The following FBXL13 variants were observed in gnomAD, a reference collection of about 807,000 sequenced individuals.
FBXL13 encodes the protein F-box and leucine-rich repeat protein 13.
A neutral mutation model predicts 83.6 loss-of-function variants in FBXL13; 67 were observed. That is an observed-to-expected ratio of 0.80 (90% confidence interval 0.66 to 0.98). The LOEUF (loss-of-function observed/expected upper bound fraction) is 0.98. Among genes scored for constraint, FBXL13 ranks in the 50% least tolerant of loss-of-function variants. FBXL13 has a pLI of 0.00. For missense variants in FBXL13, 822 were observed against 866.5 expected, an observed-to-expected ratio of 0.95 and a Z score of 0.64; for synonymous variants, 272 against 299.5, an observed-to-expected ratio of 0.91 and a Z score of 0.95.
rs570291729 is a variant in FBXL13 at position 102,932,011 on chromosome 7, G to T, written c.725-78C>A. ...AAAGTTTTTCTATCTTACATTGAATGCAATGTATTCATTAGAAAACAAACA... is the reference window on the plus strand; with the variant it reads ...AAAGTTTTTCTATCTTACATTGAATTCAATGTATTCATTAGAAAACAAACA... On this transcript the variant is annotated intron_variant, in intron 8 of 19. Transcript: ENST00000313221. 7.2e-5 allele frequency: 90 copies of T among 1,258,556 alleles called. 1 individual carries two copies. In the Middle Eastern group the frequency reaches 7.5e-4, roughly 11 times the overall value. The allele number at this position is 1,258,556 out of a possible 1,614,324, so 78.0% of individuals were successfully genotyped here.
At position 103,028,620 on chromosome 7, in the gene FBXL13, T is replaced by A. The variant is rs777182810; in HGVS notation, c.197A>T (p.Asp66Val). The change falls in exon 4 of 20, where the codon GAC (aspartate) becomes GTC (valine). Residue 66 changes from aspartate to valine, a missense_variant. Physicochemically the swap from Asp to Val is radical, Grantham distance 152. Transcript: ENST00000313221. ...TTTACTTTTAAGTTTTTCTTTCTGG[T>A]CTTCCATATAAGAGTGCCAGTGATG... is the stretch of plus-strand genomic sequence containing the variant. The A allele has an allele frequency of 2.4e-5, 38 of 1,579,310 alleles. No individual in the cohort carries two copies. Among genetic ancestry groups the A allele is most frequent in the Non-Finnish European group, 3.0e-5 (35 of 1,166,154 alleles).
At chr7:102,898,296 C>A (rs572628185) in intron 11 of FBXL13, among the ~76,000 whole-genome samples, 3 of 152,100 alleles carry the variant, frequency 2.0e-5, no homozygotes, top group Non-Finnish European at 4.4e-5. Context: ...GCTGTGTTCA[C>A]CAAAAGCAAC....
intron 17 of FBXL13, among the ~76,000 whole-genome samples, chr7:102,838,320 G>A (rs927222591): frequency 4.6e-5 from 7 of 152,112 alleles, no homozygotes; most frequent in Non-Finnish European, 1.0e-4. Context: ...GAGTTAATAT[G>A]AATAAAGCAG....
At chr7:103,024,819 ATGTATATATATG>A (rs1314133555) in intron 6 of FBXL13, among the ~76,000 whole-genome samples, 2 of 137,832 alleles carry the variant, frequency 1.5e-5, no homozygotes, top group African/African-American at 5.4e-5. Flanking sequence ...ATACATATAT[ATGTATATATATG>A]TGTATATATA....
chr7:102,957,450 A>G (rs1284206044), intron 8 of FBXL13, among the ~76,000 whole-genome samples: 5 of 152,218 alleles, frequency 3.3e-5, no homozygotes, highest in Non-Finnish European at 7.3e-5. Context: ...AAACCTAGAC[A>G]ATATCATTCA....
At chr7:102,981,330 GA>G (rs892093265) in intron 6 of FBXL13, among the ~76,000 whole-genome samples, 1 of 151,954 alleles carries the variant, frequency 6.6e-6, no homozygotes, top group Non-Finnish European at 1.5e-5. Context: ...ATCTGGCTCC[GA>G]ATTTCCTAAA....
intron 14 of FBXL13, among the ~76,000 whole-genome samples, chr7:102,881,078 G>A (rs865989192): frequency 2.8e-4 from 42 of 152,196 alleles, no homozygotes; most frequent in Non-Finnish European, 1.6e-4. Context: ...ATTTAATCAC[G>A]GATCTGAATA....
chr7:102,918,558 A>G (rs548710803), intron 10 of FBXL13, among the ~76,000 whole-genome samples: 19 of 152,340 alleles, frequency 1.2e-4, no homozygotes, highest in African/African-American at 4.6e-4. Context: ...GATCATGCCT[A>G]TAACCCCAGC....
chr7:102,845,817 A>AT (rs1188771380), intron 17 of FBXL13, among the ~76,000 whole-genome samples: 1 of 151,986 alleles, frequency 6.6e-6, no homozygotes, highest in Non-Finnish European at 1.5e-5. Context: ...TGTTAAAGTG[A>AT]TTTTTCTGAC....
intron 16 of FBXL13, among the ~76,000 whole-genome samples, chr7:102,876,705 GTT>G (rs2129457873): frequency 6.6e-6 from 1 of 152,240 alleles, no homozygotes; most frequent in Admixed American, 6.5e-5. Flanking sequence ...CTCATAGACA[GTT>G]GATATTTCAG....
chr7:102,956,151 C>T (rs985093796), intron 8 of FBXL13, among the ~76,000 whole-genome samples: 7 of 152,058 alleles, frequency 4.6e-5, no homozygotes, highest in East Asian at 1.9e-4. Context: ...ACTGGCAAAC[C>T]GAATCCAGCA....
chr7:102,892,782 C>G (rs765994512), intron 11 of FBXL13, among the ~76,000 whole-genome samples: 5 of 152,168 alleles, frequency 3.3e-5, no homozygotes, highest in African/African-American at 1.2e-4. Flanking sequence ...ATTTTTACCA[C>G]ATTAGCATTA....
At chr7:102,849,384 C>A (rs1009067142) in intron 17 of FBXL13, among the ~76,000 whole-genome samples, 1 of 152,196 alleles carries the variant, frequency 6.6e-6, no homozygotes, top group African/African-American at 2.4e-5. Context: ...GTGGTTTCCA[C>A]TAAACACTAA....
intron 6 of FBXL13, chr7:102,988,553 G>C (rs892194117): frequency 6.6e-6 from 1 of 152,294 alleles, no homozygotes; most frequent in Admixed American, 6.5e-5. Flanking sequence ...CAGAAATGTA[G>C]AACGGTATAC....
intron 17 of FBXL13, among the ~76,000 whole-genome samples, chr7:102,848,426 G>A (rs1196095413): frequency 1.0e-5 from 1 of 98,662 alleles, no homozygotes; most frequent in Non-Finnish European, 1.9e-5. Context: ...CGTAGTGGCG[G>A]GCGCCTGTAG....
intron 16 of FBXL13, among the ~76,000 whole-genome samples, chr7:102,862,739 C>T (rs12530741): frequency 0.25 from 38,429 of 152,132 alleles, 4,948 homozygotes; most frequent in Middle Eastern, 0.37. Context: ...GCTTTGAAGC[C>T]TGACTCTGCT....
At chr7:103,055,856 A>G (rs1056681761) in intron 1 of FBXL13, 109 bp from the exon 2 acceptor site, 1 of 460,772 alleles carries the variant, frequency 2.2e-6, no homozygotes, top group Non-Finnish European at 3.9e-6. Context: ...TTGGTTTTTA[A>G]TTATTTATTT....
intron 18 of FBXL13, among the ~76,000 whole-genome samples, chr7:102,826,293 G>A (rs1042450565): frequency 1.3e-5 from 2 of 152,072 alleles, no homozygotes; most frequent in African/African-American, 2.4e-5. Context: ...GTTAATAACA[G>A]GTGGTTTCAT....
At chr7:103,007,545 A>G (rs1791116145) in intron 6 of FBXL13, among the ~76,000 whole-genome samples, 1 of 152,192 alleles carries the variant, frequency 6.6e-6, no homozygotes, top group Non-Finnish European at 1.5e-5. Flanking sequence ...CTTAGCACTA[A>G]CAGACTTGTG....
Sources: allele counts gnomAD v4.1 joint callset (sites outside exome capture counted in the v4.1 genomes callset), GRCh38; gene constraint gnomAD v4.1.1; transcripts MANE v1.5; gene names NCBI Gene and HGNC (gene_info 2026-07-23, HGNC 2026-07-21).